SACS: variants seen among roughly 807,000 people sequenced by gnomAD.
SACS encodes sacsin.
SACS carries 197 observed loss-of-function variants against 348.0 expected under a neutral mutation model. That is an observed-to-expected ratio of 0.57 (90% CI 0.50 to 0.64). The LOEUF is 0.64. SACS is among the 30% of genes least tolerant of loss of function. The pLI is 0.00. For synonymous variants in SACS, 1,985 were observed against 1,910.6 expected (o/e 1.04, Z -1.02); for missense variants, 4,999 against 5,360.8 (o/e 0.93, Z 2.11).
chr13:23,407,676 G>A (rs1237191977), intron 2 of SACS, among the ~76,000 whole-genome samples: 5 of 152,146 alleles, frequency 3.3e-5, no homozygotes, highest in African/African-American at 9.7e-5. Context: ...TGAACAACAG[G>A]GGGAACTAAA....
chr13:23,353,131 G>A (rs559990061), intron 9 of SACS, among the ~76,000 whole-genome samples: 2 of 152,268 alleles, frequency 1.3e-5, no homozygotes, highest in Admixed American at 6.5e-5. Flanking sequence ...ATTAAAATTA[G>A]AACCATGTTG....
At chr13:23,420,700 T>C (rs893939303) in intron 1 of SACS, among the ~76,000 whole-genome samples, 2 of 151,812 alleles carry the variant, frequency 1.3e-5, no homozygotes, top group South Asian at 4.2e-4. Flanking sequence ...GCTTGAGTGT[T>C]TCCCGGTGCC....
Position 23,340,661 on chromosome 13 carries a change from T to C in SACS, c.3215A>G (p.Tyr1072Cys). The C allele has an allele frequency of 6.3e-7, 1 of 1,598,670 alleles. No individual in the cohort carries two copies. The highest frequency in any genetic ancestry group is 8.5e-7 in the Non-Finnish European group (1 of 1,175,092). Residue 1072 changes from tyrosine to cysteine, a missense_variant, in exon 10 of 10, where the codon TAT becomes TGT. Tyr to Cys is a radical substitution (Grantham distance 194). Transcript: ENST00000382292. ...KDLFCNEEGT[Y>C]FPPSVFTSPD... ...TGAGGTAAAAACTGAGGGTGGGAAATAGGTTCCTTCTTCATTACAAAAGAG... is the reference window on the plus strand; with the variant it reads ...TGAGGTAAAAACTGAGGGTGGGAAACAGGTTCCTTCTTCATTACAAAAGAG...
intron 6 of SACS, among the ~76,000 whole-genome samples, chr13:23,360,109 T>A (rs990752519): frequency 2.0e-5 from 3 of 152,016 alleles, no homozygotes; most frequent in Non-Finnish European, 4.4e-5. Context: ...AAGAACTCTG[T>A]CCACTGCAAA....
rs549942197 is a variant in SACS at position 23,401,629 on chromosome 13, C to T, written c.20+9591G>A. On this transcript the variant is annotated intron_variant, in intron 2 of 9. Coordinates refer to ENST00000382292, the MANE Select transcript of SACS (RefSeq NM_014363.6). ...CTGTCTCAAATTTTGGAGGTTCACACATGCCACAGAAATAACAAAATTTCC... is the reference window on the plus strand; with the variant it reads ...CTGTCTCAAATTTTGGAGGTTCACATATGCCACAGAAATAACAAAATTTCC... Among the ~76,000 whole-genome samples, 7 of 152,370 alleles carry T rather than the reference C, an allele frequency of 4.6e-5. No individual in the cohort carries two copies. The East Asian group carries it at 7.7e-4, about 17-fold the overall frequency.
Position 23,336,816 on chromosome 13 carries a change from C to G in SACS, c.7060G>C (p.Val2354Leu). 1 of 1,613,686 alleles carries G rather than the reference C, an allele frequency of 6.2e-7. No homozygotes were observed. ...FSFILVENAYVDSEKVSFHLN... is the reference protein window; with the variant it reads ...FSFILVENAYLDSEKVSFHLN... Reference sequence around the variant, plus strand: ...TGAAAAGAAACCTTTTCTGAGTCAACATATGCATTCTCAACTAGAATGAAG... The same window carrying G: ...TGAAAAGAAACCTTTTCTGAGTCAAGATATGCATTCTCAACTAGAATGAAG... The change falls in exon 10 of 10, where the codon GTT (valine) becomes CTT (leucine). Residue 2354 changes from valine (V) to leucine (L), a missense_variant. Val to Leu is a conservative substitution (Grantham distance 32, BLOSUM62 1). Transcript: ENST00000382292.
intron 2 of SACS, among the ~76,000 whole-genome samples, chr13:23,397,399 TATCTC>T (rs144745517): frequency 0.15 from 22,960 of 152,154 alleles, 2,166 homozygotes; most frequent in Non-Finnish European, 0.21. Context: ...AAAGGAATCT[TATCTC>T]ATGTGGCCAA....
intron 2 of SACS, chr13:23,375,561 GCGCTCCCGGCC>G: frequency 1.9e-6 from 2 of 1,040,066 alleles, no homozygotes; most frequent in Non-Finnish European, 2.3e-6. Context: ...CGGGGACTGC[GCGCTCCCGGCC>G]CACTCCCGGC....
At chr13:23,431,176 A>G (rs995766328) in intron 1 of SACS, among the ~76,000 whole-genome samples, 13 of 152,260 alleles carry the variant, frequency 8.5e-5, no homozygotes, top group African/African-American at 3.1e-4. Context: ...AACTGAGGCT[A>G]CCCCAAAGAG....
chr13:23,405,468 C>T (rs1873164377), intron 2 of SACS, among the ~76,000 whole-genome samples: 1 of 152,158 alleles, frequency 6.6e-6, no homozygotes, highest in African/African-American at 2.4e-5. Context: ...AATACCTAGG[C>T]AATACCATTC....
intron 1 of SACS, among the ~76,000 whole-genome samples, chr13:23,416,275 C>T (rs997359785): frequency 2.2e-5 from 3 of 136,832 alleles, no homozygotes; most frequent in East Asian, 4.1e-4. Flanking sequence ...GAGCCGACTC[C>T]ATCTCAAAAA....
Position 23,330,258 on chromosome 13 carries a change from C to T in SACS, c.13618G>A (p.Asp4540Asn), listed in dbSNP as rs775987075. Reference protein sequence around the residue: ...GVDSLKTRYPDLLPFPQIPND... With the variant: ...GVDSLKTRYPNLLPFPQIPND... Reference sequence around the variant, plus strand: ...GGGATCTGAGGAAAGGGAAGCAAATCAGGGTATCTTGTTTTTAAACTGTCT... The same window carrying T: ...GGGATCTGAGGAAAGGGAAGCAAATTAGGGTATCTTGTTTTTAAACTGTCT... The change falls in exon 10 of 10, where the codon GAT becomes AAT. Residue 4540 changes from aspartate to asparagine, a missense_variant. Physicochemically the swap from Asp to Asn is conservative, Grantham distance 23. Around this residue, in one of 6 missense-constraint regions of SACS, gnomAD observed 254 missense variants for 275.1 expected, o/e 0.92. Coordinates refer to ENST00000382292, the MANE Select transcript of SACS (RefSeq NM_014363.6). The T allele has an allele frequency of 1.2e-6, 2 of 1,614,148 alleles. No homozygotes were observed. Among genetic ancestry groups the T allele is most frequent in the East Asian group, 4.5e-5 (2 of 44,884 alleles).
At chr13:23,353,096 A>G (rs779378669) in intron 9 of SACS, among the ~76,000 whole-genome samples, 4 of 152,202 alleles carry the variant, frequency 2.6e-5, no homozygotes, top group Non-Finnish European at 4.4e-5. Context: ...AAGGAAAAGG[A>G]TGCTTGCAGA....
At chr13:23,406,114 A>T (rs1292061604) in intron 2 of SACS, among the ~76,000 whole-genome samples, 1 of 152,248 alleles carries the variant, frequency 6.6e-6, no homozygotes, top group Non-Finnish European at 1.5e-5. Flanking sequence ...CACAATAGCA[A>T]AGATTGGAAC....
chr13:23,413,508 C>T (rs1465402770), intron 1 of SACS, among the ~76,000 whole-genome samples: 1 of 152,118 alleles, frequency 6.6e-6, no homozygotes, highest in African/African-American at 2.4e-5. Flanking sequence ...GGACTGGAAA[C>T]AGAAAGACCA....
chr13:23,422,046 A>G (rs963178366), intron 1 of SACS, among the ~76,000 whole-genome samples: 1 of 152,194 alleles, frequency 6.6e-6, no homozygotes, highest in Non-Finnish European at 1.5e-5. Flanking sequence ...TGTATTATCT[A>G]AGTATCTAAG....
Position 23,331,432 on chromosome 13 carries a change from T to C in SACS, c.12444A>G (p.Pro4148=). Residue 4148 remains proline (P), a synonymous_variant, in exon 10 of 10, where the codon CCA becomes CCG. Transcript: ENST00000382292. ...SLGVKYDSSE[P]SKLELPMPGT... The stretch of plus-strand genomic sequence containing the variant: ...CAGGCATTGGAAGTTCCAGTTTTGA[T>C]GGCTCCGAAGAGTCATATTTCACTC... 6.2e-7 allele frequency: 1 copy of C among 1,614,070 alleles called. No homozygotes were observed. The highest frequency in any genetic ancestry group is 8.5e-7 in the Non-Finnish European group (1 of 1,179,946).
intron 2 of SACS, among the ~76,000 whole-genome samples, chr13:23,398,389 C>G (rs151071576): frequency 6.6e-5 from 10 of 150,972 alleles, no homozygotes; most frequent in African/African-American, 2.0e-4. Flanking sequence ...AAAAAATTAG[C>G]GAGGCGTGGT....
intron 1 of SACS, among the ~76,000 whole-genome samples, chr13:23,422,148 T>C (rs1803082141): frequency 6.6e-6 from 1 of 152,240 alleles, no homozygotes; most frequent in South Asian, 2.1e-4. Context: ...ATGTACCTTA[T>C]TATATTGTTG....
Sources: allele counts gnomAD v4.1 joint callset (sites outside exome capture counted in the v4.1 genomes callset), GRCh38; gene constraint gnomAD v4.1.1; regional missense constraint gnomAD v4.1.1; transcripts MANE v1.5; gene names NCBI Gene and HGNC (gene_info 2026-07-23, HGNC 2026-07-21).